GSR: variants seen among roughly 807,000 people sequenced by gnomAD.
The protein encoded by GSR is glutathione-disulfide reductase.
GSR carries 48 observed loss-of-function variants against 56.5 expected under a neutral mutation model. The observed-to-expected ratio is 0.85, with a 90% confidence interval of 0.67 to 1.08. The LOEUF is 1.08. Among genes scored for constraint, GSR ranks in the 50% least tolerant of loss-of-function variants. GSR has a pLI of 0.00. For synonymous variants in GSR, 264 were observed against 270.8 expected, an observed-to-expected ratio of 0.97 and a Z score of 0.25; for missense variants, 694 against 703.3, an observed-to-expected ratio of 0.99 and a Z score of 0.15.
intron 5 of GSR, among the ~76,000 whole-genome samples, chr8:30,701,659 G>A (rs1452822085): frequency 6.6e-6 from 1 of 151,204 alleles, no homozygotes; most frequent in African/African-American, 2.4e-5. Flanking sequence ...TGGACATGGT[G>A]GTATGTGCCT....
At chr8:30,701,416 A>G (rs1364852691) in intron 5 of GSR, among the ~76,000 whole-genome samples, 1 of 152,102 alleles carries the variant, frequency 6.6e-6, no homozygotes, top group African/African-American at 2.4e-5. Context: ...CAGTGAGCCA[A>G]GATCCTCCCA....
chr8:30,705,903 T>G (rs982849057), intron 4 of GSR, among the ~76,000 whole-genome samples: 23 of 152,018 alleles, frequency 1.5e-4, no homozygotes, highest in African/African-American at 5.6e-4. Flanking sequence ...ATAAACCCAA[T>G]GAATAAGAAT....
At chr8:30,727,404 G>C in intron 1 of GSR, 126 bp downstream of exon 1, 1 of 929,724 alleles carries the variant, frequency 1.1e-6, no homozygotes, top group Non-Finnish European at 1.6e-6. Context: ...ATGGGGAGTT[G>C]CGGGGGTGGA....
chr8:30,692,816 T>G (rs901256218), intron 8 of GSR, among the ~76,000 whole-genome samples, 153 bp downstream of exon 8: 1 of 151,860 alleles, frequency 6.6e-6, no homozygotes, highest in African/African-American at 2.4e-5. Context: ...TACAGCTTCT[T>G]AGGAGGAAGG....
chr8:30,709,545 G>A (rs2128745933), intron 3 of GSR, among the ~76,000 whole-genome samples: 1 of 152,280 alleles, frequency 6.6e-6, no homozygotes, highest in East Asian at 1.9e-4. Flanking sequence ...GCCAGGGGGA[G>A]AAGAGAATGA....
Position 30,727,563 on chromosome 8 carries a change from G to A in GSR, c.273C>T (p.Ala91=). 5.2e-6 allele frequency: 8 copies of A among 1,535,606 alleles called. No individual in the cohort carries two copies. Among genetic ancestry groups the A allele is most frequent in the Non-Finnish European group, 7.0e-6 (8 of 1,144,860 alleles). ...RRAAELGARA[A]VVESHKLGGT... ...CACCCAGCTTGTGGCTCTCCACCAC[G>A]GCGGCCCTGGCACCCAGCTCGGCCG... Residue 91 remains alanine, a synonymous_variant, in exon 1 of 13, where the codon GCC becomes GCT. Transcript: ENST00000221130.
intron 9 of GSR, among the ~76,000 whole-genome samples, chr8:30,687,236 T>G (rs1293878497): frequency 1.3e-5 from 2 of 152,300 alleles, no homozygotes; most frequent in East Asian, 3.9e-4. Flanking sequence ...TTTTATAAGT[T>G]AACATGCAGA....
chr8:30,709,928 T>C, intron 2 of GSR, 26 bp from the exon 3 acceptor site: 1 of 1,070,532 alleles, frequency 9.3e-7, no homozygotes, highest in Non-Finnish European at 1.4e-6. Flanking sequence ...AAAAAAAGGA[T>C]CCAAAACAGC....
chr8:30,689,773 T>C lies in GSR; in HGVS notation c.883-454A>G, dbSNP rs571623267. Among the ~76,000 whole-genome samples, 598 of 142,120 alleles carry C rather than the reference T, an allele frequency of 4.2e-3. 2 individuals are homozygous for C. Among genetic ancestry groups the C allele is most frequent in the African/African-American group, 0.015 (558 of 37,992 alleles). The allele number at this position is 142,120 out of a possible 152,430, so 93.2% of individuals were successfully genotyped here. A position where few individuals can be genotyped will look rare whatever the true frequency, so the allele number is the denominator to read the frequency against. On this transcript the variant is annotated intron_variant, in intron 8 of 12. Transcript: ENST00000221130. ...ATATATATATATATACACACACACA[T>C]ATATATATAAAATAAATATACGTAT... is the stretch of plus-strand genomic sequence containing the variant.
chr8:30,690,675 C>G (rs926708002), intron 8 of GSR, among the ~76,000 whole-genome samples: 1 of 152,164 alleles, frequency 6.6e-6, no homozygotes, highest in African/African-American at 2.4e-5. Flanking sequence ...AAGGCTAATT[C>G]TCTAGGAAAA....
chr8:30,702,210 C>T (rs1187912683), intron 5 of GSR, among the ~76,000 whole-genome samples: 1 of 151,876 alleles, frequency 6.6e-6, no homozygotes, highest in Non-Finnish European at 1.5e-5. Flanking sequence ...ATCCCAGCTA[C>T]TCGGGAGTCT....
At chr8:30,690,668 G>C (rs1415353934) in intron 8 of GSR, among the ~76,000 whole-genome samples, 9 of 152,160 alleles carry the variant, frequency 5.9e-5, no homozygotes, top group African/African-American at 2.2e-4. Context: ...TTTTTAAAAG[G>C]CTAATTCTCT....
intron 9 of GSR, 133 bp downstream of exon 9, chr8:30,689,028 C>T (rs940974919): frequency 1.3e-6 from 1 of 762,934 alleles, no homozygotes; most frequent in African/African-American, 1.7e-5. Flanking sequence ...AATTTGATCA[C>T]AAACTGAATA....
chr8:30,683,920 T>C (rs1427439148), intron 10 of GSR, among the ~76,000 whole-genome samples, 168 bp downstream of exon 10: 2 of 152,190 alleles, frequency 1.3e-5, no homozygotes, highest in Non-Finnish European at 2.9e-5. Context: ...ATTCAGATAA[T>C]GTCAGGTATC....
chr8:30,702,253 G>A (rs1360951374), intron 5 of GSR, among the ~76,000 whole-genome samples: 1 of 150,814 alleles, frequency 6.6e-6, no homozygotes, highest in East Asian at 2.0e-4. Flanking sequence ...CCAGGAGGTG[G>A]AGGTTGCAGT....
Position 30,678,224 on chromosome 8 carries a change from A to G in GSR, c.*1296T>C, listed in dbSNP as rs1213575842. ...ATGTATTTGAATCCACCTCCTTCTG[A>G]AAGCAGGAATCACTTCTAAATGTCT... On this transcript the variant is annotated 3_prime_UTR_variant, in exon 13 of 13. Transcript: ENST00000221130. The G allele has an allele frequency of 6.6e-6, 1 of 151,932 alleles. No homozygotes were observed. Among genetic ancestry groups the G allele is most frequent in the Non-Finnish European group, 1.5e-5 (1 of 67,994 alleles). 9.4% of individuals were successfully genotyped at this position (151,932 alleles called of 1,614,324 possible). A position where few individuals can be genotyped will look rare whatever the true frequency, so the allele number is the denominator to read the frequency against.
At chr8:30,708,595 C>T (rs1007963060) in intron 3 of GSR, among the ~76,000 whole-genome samples, 1 of 152,140 alleles carries the variant, frequency 6.6e-6, no homozygotes, top group Admixed American at 6.5e-5. Flanking sequence ...CCAAAAGAAA[C>T]TGGAAGCAGA....
intron 1 of GSR, among the ~76,000 whole-genome samples, chr8:30,725,105 AT>A (rs1474602806): frequency 4.6e-5 from 7 of 152,116 alleles, no homozygotes; most frequent in African/African-American, 1.4e-4. Context: ...AAATGTTTAT[AT>A]CTATCGTTTT....
At chr8:30,709,639 A>C (rs1042673828) in intron 3 of GSR, among the ~76,000 whole-genome samples, 175 bp downstream of exon 3, 1 of 152,166 alleles carries the variant, frequency 6.6e-6, no homozygotes, top group African/African-American at 2.4e-5. Flanking sequence ...ACTGTATAAC[A>C]ATGTGAATGC....
Sources: gnomAD v4.1 joint callset for allele counts (sites outside exome capture counted in the v4.1 genomes callset) on GRCh38, gnomAD v4.1.1 for gene constraint, MANE v1.5 for transcripts, NCBI Gene and HGNC (gene_info 2026-07-23, HGNC 2026-07-21) for gene names.